The following NR6A1 variants were observed in gnomAD, a reference collection of about 807,000 sequenced individuals.
The protein encoded by NR6A1 is retinoic acid receptor-related testis-associated receptor.
Under a neutral mutation model 59.1 loss-of-function variants are expected in NR6A1, and 7 were observed. The observed-to-expected ratio is 0.12, with a 90% CI of 0.07 to 0.22. The LOEUF is 0.22. NR6A1 is among the 10% of genes least tolerant of loss of function. The pLI is 1.00. For missense variants in NR6A1, 468 were observed against 611.6 expected (o/e 0.77, Z 2.48); for synonymous variants, 243 against 236.1 (o/e 1.03, Z -0.27).
chr9:124,585,942 G>C (rs986712240), intron 2 of NR6A1, among the ~76,000 whole-genome samples: 2 of 152,102 alleles, frequency 1.3e-5, no homozygotes, highest in African/African-American at 4.8e-5. Context: ...AATATTTTGA[G>C]CTCACTGTTG....
intron 2 of NR6A1, among the ~76,000 whole-genome samples, chr9:124,697,823 T>A (rs1838817600): frequency 6.6e-6 from 1 of 152,224 alleles, no homozygotes; most frequent in African/African-American, 2.4e-5. Flanking sequence ...AGCAACTATA[T>A]GAACTTGAGC....
chr9:124,703,789 T>C (rs983727860), intron 2 of NR6A1, among the ~76,000 whole-genome samples: 2 of 151,998 alleles, frequency 1.3e-5, no homozygotes, highest in African/African-American at 4.8e-5. Flanking sequence ...TCTTCTGTTT[T>C]CTAAAAGAAT....
intron 2 of NR6A1, among the ~76,000 whole-genome samples, chr9:124,588,518 C>T (rs145170269): frequency 0.012 from 1,753 of 151,248 alleles, 14 homozygotes; most frequent in Middle Eastern, 0.058. Flanking sequence ...CCCTGTTAGC[C>T]AGGATGGTGT....
At chr9:124,593,794 GCT>G (rs199586860) in intron 2 of NR6A1, among the ~76,000 whole-genome samples, 10 of 150,286 alleles carry the variant, frequency 6.7e-5, no homozygotes, top group East Asian at 5.8e-4. Context: ...CTCTCTTACG[GCT>G]CTCTCTCTCT....
chr9:124,546,165 G>A (rs74972391), intron 3 of NR6A1, among the ~76,000 whole-genome samples: 1,696 of 152,222 alleles, frequency 0.011, 31 homozygotes, highest in African/African-American at 0.039. Flanking sequence ...AACAAAATAC[G>A]TATATGATAG....
chr9:124,655,013 G>T (rs182805423), intron 2 of NR6A1, among the ~76,000 whole-genome samples: 16 of 152,110 alleles, frequency 1.1e-4, no homozygotes, highest in African/African-American at 3.6e-4. Flanking sequence ...ATGTGAAAGA[G>T]GATTTACCCA....
chr9:124,584,551 A>G (rs1834868924), intron 2 of NR6A1, among the ~76,000 whole-genome samples: 1 of 152,112 alleles, frequency 6.6e-6, no homozygotes, highest in Non-Finnish European at 1.5e-5. Flanking sequence ...ACTTGTTCAT[A>G]TTATTATATC....
chr9:124,664,911 A>C (rs1354177588), intron 2 of NR6A1, among the ~76,000 whole-genome samples: 1 of 148,742 alleles, frequency 6.7e-6, no homozygotes, highest in African/African-American at 2.5e-5. Context: ...GGTAGCTCAC[A>C]CCTGTAATCC....
At chr9:124,608,326 T>C (rs1835634111) in intron 2 of NR6A1, among the ~76,000 whole-genome samples, 1 of 151,998 alleles carries the variant, frequency 6.6e-6, no homozygotes, top group African/African-American at 2.4e-5. Context: ...CAGTGTGTGT[T>C]GTTCCCCTCC....
At chr9:124,593,674 A>G (rs1268710475) in intron 2 of NR6A1, among the ~76,000 whole-genome samples, 2 of 152,182 alleles carry the variant, frequency 1.3e-5, no homozygotes, top group African/African-American at 4.8e-5. Context: ...GCGGCAATCT[A>G]ATTTTCACAG....
chr9:124,735,231 C>A (rs1254599169), intron 1 of NR6A1, among the ~76,000 whole-genome samples: 1 of 152,208 alleles, frequency 6.6e-6, no homozygotes, highest in African/African-American at 2.4e-5. Context: ...TCCTCCTCCT[C>A]CTCCATTTGG....
chr9:124,665,749 C>T lies in NR6A1; in HGVS notation c.142+67559G>A, dbSNP rs183387719. ...ACCCATGACTAATCTGGGCTCTTAA[C>T]AACCAAGAATATTTGAGACATGGAC... On this transcript the variant is annotated intron_variant, in intron 2 of 9. Transcript: ENST00000487099. Among the ~76,000 whole-genome samples, 96 of 150,082 alleles carry T rather than the reference C, an allele frequency of 6.4e-4. 1 individual carries two copies. The South Asian group carries it at 0.018, about 28-fold the overall frequency.
chr9:124,674,037 G>C (rs1010390996), intron 2 of NR6A1, among the ~76,000 whole-genome samples: 2 of 152,072 alleles, frequency 1.3e-5, no homozygotes, highest in Non-Finnish European at 2.9e-5. Context: ...CTTTTCTCTA[G>C]CTTCAGTTTT....
intron 2 of NR6A1, among the ~76,000 whole-genome samples, chr9:124,680,552 A>G (rs1291808925): frequency 6.6e-6 from 1 of 152,208 alleles, no homozygotes; most frequent in African/African-American, 2.4e-5. Context: ...GCATTGATAG[A>G]TCAACCTTTA....
chr9:124,765,685 A>G (rs376222476), intron 1 of NR6A1, among the ~76,000 whole-genome samples: 30 of 152,310 alleles, frequency 2.0e-4, no homozygotes, highest in African/African-American at 7.0e-4. Context: ...CCCAAACTAA[A>G]TCACTGTTAA....
chr9:124,555,476 C>A (rs1013105801), intron 2 of NR6A1, among the ~76,000 whole-genome samples: 1 of 152,154 alleles, frequency 6.6e-6, no homozygotes, highest in Non-Finnish European at 1.5e-5. Flanking sequence ...TAGAGCCAGG[C>A]GTGATGGCAC....
intron 3 of NR6A1, among the ~76,000 whole-genome samples, chr9:124,549,686 G>C (rs969106685): frequency 1.3e-5 from 2 of 152,164 alleles, no homozygotes; most frequent in Non-Finnish European, 2.9e-5. Context: ...TTTTTTAATA[G>C]TTAATTTTTT....
chr9:124,685,294 A>G (rs1264089019), intron 2 of NR6A1, among the ~76,000 whole-genome samples: 2 of 152,226 alleles, frequency 1.3e-5, no homozygotes. Flanking sequence ...CTGCACTTTT[A>G]GCAGGCTACA....
chr9:124,546,081 C>A (rs1461602242), intron 3 of NR6A1, among the ~76,000 whole-genome samples: 1 of 152,220 alleles, frequency 6.6e-6, no homozygotes, highest in Non-Finnish European at 1.5e-5. Context: ...TGCTATTGCA[C>A]TCCAGCCTGG....
Sources: gnomAD v4.1 joint callset for allele counts (sites outside exome capture counted in the v4.1 genomes callset) on GRCh38, gnomAD v4.1.1 for gene constraint, MANE v1.5 for transcripts, NCBI Gene and HGNC (gene_info 2026-07-23, HGNC 2026-07-21) for gene names.